Variants in UBE4B observed in about 807,000 individuals in gnomAD.
The protein encoded by UBE4B is ubiquitin conjugation factor E4 B.
In UBE4B, 27 loss-of-function variants were observed where a neutral mutation model predicts 148.1. That is an observed-to-expected ratio of 0.18 (90% CI 0.13 to 0.25). The LOEUF is 0.25. Among genes scored for constraint, UBE4B ranks in the 10% least tolerant of loss-of-function variants. UBE4B has a pLI of 1.00. For missense variants in UBE4B, 1,170 were observed against 1,662.4 expected, an observed-to-expected ratio of 0.70 and a Z score of 5.15; for synonymous variants, 596 against 619.3, an observed-to-expected ratio of 0.96 and a Z score of 0.56.
intron 1 of UBE4B, among the ~76,000 whole-genome samples, chr1:10,061,500 G>A (rs1202136684): frequency 6.6e-6 from 1 of 152,096 alleles, no homozygotes; most frequent in Non-Finnish European, 1.5e-5. Context: ...CAGGTAATCC[G>A]CCTGCTTCCC....
In UBE4B at chr1:10,179,479, G is replaced by A. The variant is rs767677267; in HGVS notation, c.3764G>A (p.Arg1255His). The change falls in exon 27 of 28, where the codon CGC (arginine) becomes CAC (histidine). Residue 1255 changes from arginine (R) to histidine (H), a missense_variant. By Grantham distance (29) the Arg-to-His change is conservative (BLOSUM62 0). Transcript: ENST00000343090. The stretch of plus-strand genomic sequence containing the variant: ...CTGCCCTCTGGCACCATCATGGACC[G>A]CTCCATCATCCTGCGGCACCTGCTC... ...VRLPSGTIMD[R>H]SIILRHLLNS... 3.7e-6 allele frequency: 6 copies of A among 1,613,982 alleles called. No homozygotes were observed. Among genetic ancestry groups the A allele is most frequent in the Admixed American group, 1.7e-5 (1 of 60,004 alleles).
At chr1:10,063,193 A>G (rs1644320618) in intron 1 of UBE4B, among the ~76,000 whole-genome samples, 1 of 151,868 alleles carries the variant, frequency 6.6e-6, no homozygotes, top group African/African-American at 2.4e-5. Flanking sequence ...GCTTGAACCC[A>G]GGAGGCAGAG....
intron 2 of UBE4B, among the ~76,000 whole-genome samples, chr1:10,080,910 G>C (rs1644669159): frequency 6.6e-6 from 1 of 152,174 alleles, no homozygotes; most frequent in Non-Finnish European, 1.5e-5. Flanking sequence ...GCTGGGGAAT[G>C]GGGGTGGATG....
chr1:10,087,838 T>A (rs1489375109), intron 2 of UBE4B, among the ~76,000 whole-genome samples: 2 of 152,200 alleles, frequency 1.3e-5, no homozygotes, highest in Admixed American at 6.5e-5. Context: ...GGAATTAAAC[T>A]TCACCTACTG....
chr1:10,070,600 C>T (rs1644467137), intron 1 of UBE4B, among the ~76,000 whole-genome samples: 1 of 152,056 alleles, frequency 6.6e-6, no homozygotes, highest in Non-Finnish European at 1.5e-5. Context: ...ATGGAATCAT[C>T]CACTCTGTTT....
intron 2 of UBE4B, among the ~76,000 whole-genome samples, chr1:10,079,453 C>T (rs1366741186): frequency 6.6e-6 from 1 of 152,150 alleles, no homozygotes; most frequent in Admixed American, 6.5e-5. Flanking sequence ...AGCCACCGCA[C>T]CCGACCTCAA....
chr1:10,072,446 TC>T, intron 2 of UBE4B: 2 of 682,398 alleles, frequency 2.9e-6, no homozygotes, highest in Non-Finnish European at 2.6e-6. Flanking sequence ...TTTTTTTTTT[TC>T]AAACAGGTTT....
chr1:10,056,722 C>T (rs993142250), intron 1 of UBE4B, among the ~76,000 whole-genome samples: 4 of 152,228 alleles, frequency 2.6e-5, no homozygotes, highest in African/African-American at 7.2e-5. Flanking sequence ...GCGCTAGCTA[C>T]GCGATTGCTC....
At chr1:10,039,720 G>A (rs1174302077) in intron 1 of UBE4B, among the ~76,000 whole-genome samples, 2 of 152,014 alleles carry the variant, frequency 1.3e-5, no homozygotes, top group African/African-American at 2.4e-5. Flanking sequence ...GATTACAGGC[G>A]TGAGCCACTG....
chr1:10,150,825 A>G (rs930426236), intron 20 of UBE4B, among the ~76,000 whole-genome samples: 1 of 141,288 alleles, frequency 7.1e-6, no homozygotes, highest in Admixed American at 7.7e-5. Flanking sequence ...GTGCCACTGC[A>G]CTCCAGCCTG....
At chr1:10,078,350 G>A (rs185909811) in intron 2 of UBE4B, among the ~76,000 whole-genome samples, 2 of 152,236 alleles carry the variant, frequency 1.3e-5, no homozygotes, top group East Asian at 1.9e-4. Context: ...GCTTACTGCA[G>A]GTCAGACACA....
At chr1:10,162,390 G>A (rs983247128) in intron 23 of UBE4B, among the ~76,000 whole-genome samples, 35 of 151,998 alleles carry the variant, frequency 2.3e-4, no homozygotes, top group African/African-American at 8.5e-4. Flanking sequence ...AGCCAGGATG[G>A]TCTCGATCTC....
chr1:10,045,590 A>G (rs1330359744), intron 1 of UBE4B, among the ~76,000 whole-genome samples: 2 of 152,218 alleles, frequency 1.3e-5, no homozygotes, highest in East Asian at 1.9e-4. Context: ...GTTCTAGACC[A>G]TGAGGGTACA....
intron 21 of UBE4B, among the ~76,000 whole-genome samples, chr1:10,152,259 AAATAATAATAATAATAAT>A (rs60838123): frequency 5.7e-5 from 8 of 141,320 alleles, no homozygotes; most frequent in Non-Finnish European, 1.1e-4. Flanking sequence ...ACTCCGTCTC[AAATAATAATAATAATAAT>A]AATAATAATA....
chr1:10,072,407 C>A, intron 2 of UBE4B, 193 bp downstream of exon 2: 2 of 718,014 alleles, frequency 2.8e-6, no homozygotes, highest in Non-Finnish European at 4.7e-6. Flanking sequence ...TCTGTTAAAC[C>A]AATTGCTTTT....
intron 25 of UBE4B, among the ~76,000 whole-genome samples, chr1:10,177,452 T>C (rs1646444889): frequency 6.6e-6 from 1 of 152,158 alleles, no homozygotes; most frequent in Non-Finnish European, 1.5e-5. Flanking sequence ...AGCGTGCCTC[T>C]GCACTCCAGC....
chr1:10,140,086 C>T (rs990936004), intron 17 of UBE4B, among the ~76,000 whole-genome samples: 1 of 152,114 alleles, frequency 6.6e-6, no homozygotes, highest in African/African-American at 2.4e-5. Flanking sequence ...AACCCTTTCG[C>T]TTATGTGTAT....
At chr1:10,113,769 A>G (rs1645259763) in intron 7 of UBE4B, among the ~76,000 whole-genome samples, 1 of 152,018 alleles carries the variant, frequency 6.6e-6, no homozygotes, top group Admixed American at 6.6e-5. Context: ...TTGACATCAA[A>G]CATAAGATGC....
chr1:10,134,963 T>C lies in UBE4B; in HGVS notation c.2026-25T>C. ...AAAAATTTTTTTTAATGTTTAAAAA[T>C]ACTTTTTCTTTTCAACTTTCACAGA... On this transcript the variant is annotated intron_variant, in intron 15 of 27. Coordinates refer to ENST00000343090, the MANE Select transcript of UBE4B (RefSeq NM_001105562.3). The C allele has an allele frequency of 1.9e-6, 3 of 1,607,764 alleles. No homozygotes were observed. The South Asian group carries it at 3.3e-5, about 18-fold the overall frequency.
Sources: allele counts gnomAD v4.1 joint callset (sites outside exome capture counted in the v4.1 genomes callset), GRCh38; gene constraint gnomAD v4.1.1; transcripts MANE v1.5; gene names NCBI Gene and HGNC (gene_info 2026-07-23, HGNC 2026-07-21).